Variants in RSU1 observed in about 807,000 individuals in gnomAD.
RSU1 encodes the protein rsu-1.
RSU1 carries 26 observed loss-of-function variants against 31.1 expected under a neutral mutation model. That is an observed-to-expected ratio of 0.84 (90% CI 0.61 to 1.16). The LOEUF is 1.16. Among genes scored for constraint, RSU1 ranks in the 50% most tolerant of loss-of-function variants. The pLI is 0.00. For synonymous variants in RSU1, 164 were observed against 136.3 expected (o/e 1.20, Z -1.41); for missense variants, 320 against 339.1 (o/e 0.94, Z 0.44).
chr10:16,626,824 G>A (rs577357554), intron 8 of RSU1, among the ~76,000 whole-genome samples: 2 of 152,244 alleles, frequency 1.3e-5, no homozygotes, highest in Admixed American at 6.5e-5. Flanking sequence ...ATTGAATGAA[G>A]GTTTGGATGC....
intron 8 of RSU1, among the ~76,000 whole-genome samples, chr10:16,624,019 A>C (rs970225543): frequency 1.3e-5 from 2 of 151,990 alleles, no homozygotes; most frequent in Non-Finnish European, 2.9e-5. Flanking sequence ...TTCTCAGTCT[A>C]AGGGCTCACA....
At chr10:16,793,043 T>C (rs1470844866) in intron 2 of RSU1, among the ~76,000 whole-genome samples, 2 of 152,172 alleles carry the variant, frequency 1.3e-5, no homozygotes, top group Non-Finnish European at 2.9e-5. Flanking sequence ...TGTATTAAAA[T>C]GAAGACAGAC....
chr10:16,680,714 C>G (rs1235645468), intron 8 of RSU1, among the ~76,000 whole-genome samples: 7 of 152,300 alleles, frequency 4.6e-5, no homozygotes, highest in African/African-American at 1.7e-4. Context: ...CGGCAAAAGC[C>G]ATTCATGAGG....
chr10:16,615,015 C>A lies in RSU1; in HGVS notation c.732-21519G>T, dbSNP rs1043331131. On this transcript the variant is annotated intron_variant, in intron 8 of 8. Coordinates refer to ENST00000345264, the MANE Select transcript of RSU1 (RefSeq NM_012425.4). ...TAACCAGCTAGCATCACGATGGGATCAAATTCACACATAACAATATTAACC... is the reference window on the plus strand; with the variant it reads ...TAACCAGCTAGCATCACGATGGGATAAAATTCACACATAACAATATTAACC... Among the ~76,000 whole-genome samples the A allele has an allele frequency of 2.6e-5, 4 of 152,162 alleles. No homozygotes were observed. The East Asian group carries it at 7.7e-4, about 29-fold the overall frequency.
rs150195079 is a variant in RSU1 at position 16,607,762 on chromosome 10, A to G, written c.732-14266T>C. ...TAGAGCAAATCACTTTAATATTAAC[A>G]TATTTACCCCTTAACCAAATCATGT... is the stretch of plus-strand genomic sequence containing the variant. On this transcript the variant is annotated intron_variant, in intron 8 of 8. Transcript: ENST00000345264. Among the ~76,000 whole-genome samples, 9 of 152,280 alleles carry G rather than the reference A, an allele frequency of 5.9e-5. 1 individual carries two copies. In the East Asian group the frequency reaches 1.5e-3, roughly 26 times the overall value.
chr10:16,602,667 C>T (rs1428239028), intron 8 of RSU1, among the ~76,000 whole-genome samples: 1 of 152,154 alleles, frequency 6.6e-6, no homozygotes, highest in African/African-American at 2.4e-5. Flanking sequence ...GTTCTGAAGT[C>T]GTTTGCTCGT....
chr10:16,787,206 C>A (rs931256255), intron 2 of RSU1, among the ~76,000 whole-genome samples: 3 of 152,194 alleles, frequency 2.0e-5, no homozygotes, highest in Admixed American at 2.0e-4. Flanking sequence ...TTTCTTCCTA[C>A]AGCTGAACCA....
chr10:16,779,905 C>G (rs918799988), intron 3 of RSU1, among the ~76,000 whole-genome samples: 4 of 152,032 alleles, frequency 2.6e-5, no homozygotes, highest in African/African-American at 9.7e-5. Flanking sequence ...GTGTCAGTGA[C>G]GCTACTCAGG....
intron 8 of RSU1, among the ~76,000 whole-genome samples, chr10:16,683,623 C>T (rs150864826): frequency 1.8e-4 from 28 of 152,146 alleles, no homozygotes; most frequent in African/African-American, 5.8e-4. Context: ...AACCTCCTAA[C>T]AAAAAGAGGA....
At chr10:16,689,086 G>A (rs990532292) in intron 8 of RSU1, among the ~76,000 whole-genome samples, 3 of 151,696 alleles carry the variant, frequency 2.0e-5, no homozygotes, top group African/African-American at 7.3e-5. Context: ...TTTTTCTGTG[G>A]CTTAATTTGA....
chr10:16,816,028 C>G (rs536599780), intron 2 of RSU1, among the ~76,000 whole-genome samples: 1 of 152,146 alleles, frequency 6.6e-6, no homozygotes, highest in African/African-American at 2.4e-5. Context: ...GGAGCATTAC[C>G]GTCGATAATG....
At chr10:16,660,801 T>C (rs1834874572) in intron 8 of RSU1, among the ~76,000 whole-genome samples, 1 of 151,654 alleles carries the variant, frequency 6.6e-6, no homozygotes, top group African/African-American at 2.4e-5. Context: ...CACGTACCAC[T>C]ACGCCCAGCT....
rs1833919679 is a variant in RSU1, at chr10:16,613,021, T to G, written c.732-19525A>C. 3.9e-5 allele frequency among the ~76,000 whole-genome samples: 6 copies of G among 152,126 alleles called. No individual in the cohort carries two copies. In the South Asian group the frequency reaches 1.2e-3, roughly 32 times the overall value. On this transcript the variant is annotated intron_variant, in intron 8 of 8. Transcript: ENST00000345264. ...CATTAACAATGCATTTCTGGGTATT[T>G]TTTCCTTCAGTAATAACTCTTTGTT...
In RSU1 at chr10:16,686,933, A is replaced by C. The variant is rs538958319; in HGVS notation, c.731+8090T>G. Among the ~76,000 whole-genome samples, 5 of 152,322 alleles carry C rather than the reference A, an allele frequency of 3.3e-5. No individual in the cohort carries two copies. In the South Asian group the frequency reaches 1.0e-3, roughly 32 times the overall value. The stretch of plus-strand genomic sequence containing the variant: ...GTACACTAGTCATTGAATAAAATGC[A>C]AATTGCATTGAGTAAAAAAGGCAAG... On this transcript the variant is annotated intron_variant, in intron 8 of 8. Transcript: ENST00000345264.
chr10:16,628,123 C>T (rs533955832), intron 8 of RSU1, among the ~76,000 whole-genome samples: 9 of 152,144 alleles, frequency 5.9e-5, no homozygotes, highest in African/African-American at 9.7e-5. Context: ...AAACCACTTA[C>T]GACACATATT....
chr10:16,723,607 C>T (rs78780118), intron 7 of RSU1, among the ~76,000 whole-genome samples: 1,765 of 152,250 alleles, frequency 0.012, 42 homozygotes, highest in African/African-American at 0.039. Flanking sequence ...TAAAGCTAGT[C>T]GCATACTATA....
At chr10:16,678,732 G>GA (rs1835275712) in intron 8 of RSU1, among the ~76,000 whole-genome samples, 1 of 152,160 alleles carries the variant, frequency 6.6e-6, no homozygotes. Context: ...GATAAAGAGT[G>GA]AAGAGGATGT....
chr10:16,745,403 A>G (rs541574760), intron 7 of RSU1, among the ~76,000 whole-genome samples: 1 of 152,308 alleles, frequency 6.6e-6, no homozygotes, highest in East Asian at 1.9e-4. Flanking sequence ...CACGCTACTC[A>G]TAGAGACATA....
At chr10:16,687,409 C>G (rs1049189022) in intron 8 of RSU1, among the ~76,000 whole-genome samples, 1 of 152,014 alleles carries the variant, frequency 6.6e-6, no homozygotes, top group African/African-American at 2.4e-5. Flanking sequence ...GCCTCAAAAG[C>G]CTGTGAAAAC....
Sources: gnomAD v4.1 joint callset for allele counts (sites outside exome capture counted in the v4.1 genomes callset) on GRCh38, gnomAD v4.1.1 for gene constraint, MANE v1.5 for transcripts, NCBI Gene and HGNC (gene_info 2026-07-23, HGNC 2026-07-21) for gene names.